The following DNAH11 variants were observed in gnomAD, a reference collection of about 807,000 sequenced individuals.
The protein encoded by DNAH11 is axonemal beta dynein heavy chain 11.
In DNAH11, 442 loss-of-function variants were observed where a neutral mutation model predicts 526.0. That is an observed-to-expected ratio of 0.84 (90% CI 0.78 to 0.91). DNAH11 has a LOEUF of 0.91. Ranked by LOEUF, DNAH11 falls within the 40% of genes least tolerant of loss-of-function variation. DNAH11 has a pLI of 0.00. For synonymous variants in DNAH11, 2,461 were observed against 1,935.9 expected (o/e 1.27, Z -7.12); for missense variants, 6,989 against 5,448.7 (o/e 1.28, Z -8.90).
intron 29 of DNAH11, among the ~76,000 whole-genome samples, chr7:21,657,965 T>C (rs1262140316): frequency 6.6e-6 from 1 of 152,162 alleles, no homozygotes; most frequent in African/African-American, 2.4e-5. Context: ...CAGAATCTCA[T>C]GTGATTCTTG....
rs576561813 is a variant in DNAH11, at chr7:21,901,661, CAACAAATTA to C, written c.*410_*418del. ...AACGGAGATTTTAATTTTTAACAAA[CAACAAATTA>C]AATTATTAGCCCTTAAACTCTTTCA... On this transcript the variant is annotated 3_prime_UTR_variant, in exon 82 of 82. Coordinates refer to ENST00000409508, the MANE Select transcript of DNAH11 (RefSeq NM_001277115.2). 1.5e-4 allele frequency: 23 copies of C among 157,104 alleles called. No homozygotes were observed. In the South Asian group the frequency reaches 4.4e-3, roughly 30 times the overall value. 9.7% of individuals were successfully genotyped at this position (157,104 alleles called of 1,614,324 possible).
intron 54 of DNAH11, among the ~76,000 whole-genome samples, chr7:21,754,360 A>G (rs1786534821): frequency 6.6e-6 from 1 of 152,154 alleles, no homozygotes; most frequent in African/African-American, 2.4e-5. Context: ...ATACAGAATG[A>G]TATACAGAAG....
At chr7:21,633,742 A>G (rs1281710350) in intron 25 of DNAH11, among the ~76,000 whole-genome samples, 1 of 152,202 alleles carries the variant, frequency 6.6e-6, no homozygotes, top group Non-Finnish European at 1.5e-5. Context: ...TTTGTGATTA[A>G]GGTGGGCGGA....
intron 28 of DNAH11, among the ~76,000 whole-genome samples, chr7:21,650,491 G>A (rs1412444310): frequency 3.4e-5 from 5 of 149,068 alleles, no homozygotes; most frequent in Non-Finnish European, 7.4e-5. Flanking sequence ...ATAGCTGTAA[G>A]AGGTTTCATT....
chr7:21,835,459 A>G (rs952271184), intron 65 of DNAH11, among the ~76,000 whole-genome samples: 2 of 152,232 alleles, frequency 1.3e-5, no homozygotes, highest in Non-Finnish European at 2.9e-5. Context: ...GTGGTTCAAC[A>G]TACACAAATC....
At chr7:21,613,295 A>G (rs1261918948) in intron 20 of DNAH11, among the ~76,000 whole-genome samples, 2 of 152,160 alleles carry the variant, frequency 1.3e-5, no homozygotes, top group Non-Finnish European at 2.9e-5. Flanking sequence ...TGAAAATATT[A>G]TAAAAATTAG....
intron 62 of DNAH11, among the ~76,000 whole-genome samples, chr7:21,802,316 A>G (rs1320270551): frequency 6.6e-6 from 1 of 151,946 alleles, no homozygotes; most frequent in Non-Finnish European, 1.5e-5. Context: ...GATGACTATA[A>G]TAAAAAATAT....
chr7:21,551,655 C>T (rs1205621792), intron 2 of DNAH11, among the ~76,000 whole-genome samples: 1 of 152,160 alleles, frequency 6.6e-6, no homozygotes, highest in Non-Finnish European at 1.5e-5. Context: ...GACAGCATGG[C>T]CATTATGTCT....
At chr7:21,812,419 A>AG (rs1392312658) in intron 63 of DNAH11, among the ~76,000 whole-genome samples, 1 of 152,094 alleles carries the variant, frequency 6.6e-6, no homozygotes, top group East Asian at 1.9e-4. Context: ...CACGTCTCCC[A>AG]GTGCTTTGGG....
intron 56 of DNAH11, among the ~76,000 whole-genome samples, chr7:21,778,047 T>G (rs11764949): frequency 0.37 from 55,997 of 152,016 alleles, 10,905 homozygotes; most frequent in Non-Finnish European, 0.44. Flanking sequence ...TATTGTGATG[T>G]GTAAAGCTGC....
intron 69 of DNAH11, among the ~76,000 whole-genome samples, chr7:21,863,251 GCA>G (rs1783139798): frequency 6.6e-6 from 1 of 152,176 alleles, no homozygotes; most frequent in Admixed American, 6.5e-5. Context: ...GCCAAAGAAG[GCA>G]CTTTATACAT....
intron 25 of DNAH11, among the ~76,000 whole-genome samples, chr7:21,620,568 A>C (rs1277307626): frequency 2.0e-5 from 3 of 151,698 alleles, no homozygotes; most frequent in Non-Finnish European, 2.9e-5. Context: ...CTTTTTTTTA[A>C]ATTTTACTAT....
At chr7:21,696,071 A>G (rs1007897553) in intron 35 of DNAH11, among the ~76,000 whole-genome samples, 2 of 152,142 alleles carry the variant, frequency 1.3e-5, no homozygotes, top group Non-Finnish European at 2.9e-5. Flanking sequence ...CTAGAGGATT[A>G]TCAGTTTTAT....
Position 21,892,481 on chromosome 7 carries a change from T to C in DNAH11, c.12564T>C (p.Tyr4188=). The C allele has an allele frequency of 1.9e-6, 3 of 1,613,934 alleles. No individual in the cohort carries two copies. The highest frequency in any genetic ancestry group is 2.5e-6 in the Non-Finnish European group (3 of 1,179,844). The change falls in exon 77 of 82, where the codon TAT becomes TAC. Residue 4188 remains tyrosine (Y), a synonymous_variant. Transcript: ENST00000409508. The stretch of plus-strand genomic sequence containing the variant: ...TTGCTGCCCCACCCTACCTAGATTA[T>C]GCAGGCTACCACCAGTACATAGAGG... ...PGFAAPPYLD[Y]AGYHQYIEEM... is the part of the protein sequence containing the mutation.
chr7:21,564,054 T>C, intron 5 of DNAH11, 132 bp from the exon 6 acceptor site: 1 of 613,128 alleles, frequency 1.6e-6, no homozygotes, highest in Non-Finnish European at 2.7e-6. Flanking sequence ...GGATAAGTAA[T>C]ATAAAAGGAA....
At chr7:21,792,048 C>T (rs535484389) in intron 61 of DNAH11, among the ~76,000 whole-genome samples, 1 of 152,250 alleles carries the variant, frequency 6.6e-6, no homozygotes, top group East Asian at 1.9e-4. Flanking sequence ...ATGGCAGAAG[C>T]AGGAGTGACA....
rs141806477 is a variant in DNAH11, at chr7:21,819,003, C to G, written c.10691+664C>G. 2.4e-4 allele frequency among the ~76,000 whole-genome samples: 37 copies of G among 152,202 alleles called. No individual in the cohort carries two copies. The East Asian group carries it at 6.2e-3, about 25-fold the overall frequency. ...ATTGAAGCCATTTCTGAGGAGTCAT[C>G]ATGTCACTTTCCTATGAATGTGTGA... is the stretch of plus-strand genomic sequence containing the variant. On this transcript the variant is annotated intron_variant, in intron 65 of 81. Coordinates refer to ENST00000409508, the MANE Select transcript of DNAH11 (RefSeq NM_001277115.2).
At chr7:21,728,237 C>CTTTTTT (rs71026816) in intron 45 of DNAH11, among the ~76,000 whole-genome samples, 2 of 58,946 alleles carry the variant, frequency 3.4e-5, no homozygotes, top group African/African-American at 7.6e-5. Context: ...GCCCACAATT[C>CTTTTTT]TTTTTTTTTT....
chr7:21,883,503 G>A (rs1784009481), intron 75 of DNAH11, among the ~76,000 whole-genome samples: 1 of 152,180 alleles, frequency 6.6e-6, no homozygotes, highest in Non-Finnish European at 1.5e-5. Flanking sequence ...CTGTGGCAAG[G>A]GGATTTGTTT....
Sources: gnomAD v4.1 joint callset for allele counts (sites outside exome capture counted in the v4.1 genomes callset) on GRCh38, gnomAD v4.1.1 for gene constraint, MANE v1.5 for transcripts, NCBI Gene and HGNC (gene_info 2026-07-23, HGNC 2026-07-21) for gene names.